Variants in TICAM2 observed in about 807,000 individuals in gnomAD.
TICAM2 encodes TIR domain-containing adapter molecule 2.
Under a neutral mutation model 7.3 loss-of-function variants are expected in TICAM2, and 8 were observed. The ratio of observed to expected loss-of-function variants is 1.10; its 90% CI spans 0.65 to 1.99. TICAM2 has a LOEUF of 1.99. Among genes scored for constraint, TICAM2 ranks in the 30% most tolerant of loss-of-function variants. The pLI, the probability that TICAM2 is intolerant of heterozygous loss-of-function variation, is 0.00. For missense variants in TICAM2, 304 were observed against 278.8 expected (o/e 1.09, Z -0.65); for synonymous variants, 113 against 99.6 (o/e 1.13, Z -0.80).
chr5:115,599,617 A>C (rs536555165), intron 1 of TICAM2, among the ~76,000 whole-genome samples: 1 of 152,304 alleles, frequency 6.6e-6, no homozygotes, highest in South Asian at 2.1e-4. Flanking sequence ...CCAGCAGCAA[A>C]AGAGATCTTG....
intron 1 of TICAM2, among the ~76,000 whole-genome samples, chr5:115,597,529 G>A (rs190777366): frequency 6.6e-4 from 100 of 152,200 alleles, no homozygotes; most frequent in African/African-American, 2.2e-3. Context: ...CAATTTTAAT[G>A]ACATGAGAAA....
intron 1 of TICAM2, among the ~76,000 whole-genome samples, chr5:115,588,277 G>A (rs537077400): frequency 6.6e-6 from 1 of 152,348 alleles, no homozygotes; most frequent in East Asian, 1.9e-4. Context: ...CACTGGGTAA[G>A]CTCTGTCTCT....
At chr5:115,589,980 TAG>T (rs369584524) in intron 1 of TICAM2, among the ~76,000 whole-genome samples, 1 of 152,206 alleles carries the variant, frequency 6.6e-6, no homozygotes, top group African/African-American at 2.4e-5. Flanking sequence ...TCAACCAGAA[TAG>T]AGAGTAACCA....
chr5:115,581,324 A>G lies in TICAM2; in HGVS notation c.-59-9T>C. ...CAGCATTTCTTTTCAATCTAAAAGA[A>G]GTAACAAAACAGAAGAATATTATAA... On this transcript the variant is annotated splice_polypyrimidine_tract_variant and intron_variant, in intron 1 of 1. Transcript: ENST00000427199. 6.3e-7 allele frequency: 1 copy of G among 1,591,264 alleles called. No individual in the cohort carries two copies. Among genetic ancestry groups the G allele is most frequent in the Non-Finnish European group, 8.5e-7 (1 of 1,175,658 alleles).
chr5:115,584,340 T>C (rs1317154170), intron 1 of TICAM2, among the ~76,000 whole-genome samples: 1 of 152,172 alleles, frequency 6.6e-6, no homozygotes, highest in African/African-American at 2.4e-5. Context: ...TCTTCAGAGC[T>C]TTCCGTAACA....
chr5:115,600,751 G>C (rs1755696154), intron 1 of TICAM2, among the ~76,000 whole-genome samples: 1 of 152,102 alleles, frequency 6.6e-6, no homozygotes, highest in Admixed American at 6.5e-5. Flanking sequence ...CAGATGAGAG[G>C]GGGTAGGAAG....
At chr5:115,594,499 G>C (rs1407773597) in intron 1 of TICAM2, among the ~76,000 whole-genome samples, 3 of 152,198 alleles carry the variant, frequency 2.0e-5, no homozygotes, top group Non-Finnish European at 4.4e-5. Context: ...CAGCTTAGGA[G>C]ACTAAGTTCT....
At position 115,590,436 on chromosome 5, in the gene TICAM2, T is replaced by C. The variant is rs17138018; in HGVS notation, c.-59-9121A>G. ...TATGAAGAAATGAAATATGAAACCT[T>C]TCCACAGTGCTTCCCATACCTGGAT... On this transcript the variant is annotated intron_variant, in intron 1 of 1. Transcript: ENST00000427199. Among the ~76,000 whole-genome samples, 96 of 152,338 alleles carry C rather than the reference T, an allele frequency of 6.3e-4. 1 individual carries two copies. The East Asian group carries it at 0.016, about 26-fold the overall frequency.
At chr5:115,586,520 AC>A (rs752617041) in intron 1 of TICAM2, among the ~76,000 whole-genome samples, 22 of 152,250 alleles carry the variant, frequency 1.4e-4, no homozygotes, top group Non-Finnish European at 2.5e-4. Context: ...AGAGAGTGGT[AC>A]CCCAGCTGCT....
chr5:115,585,662 T>C (rs935154651), intron 1 of TICAM2, among the ~76,000 whole-genome samples: 19 of 152,008 alleles, frequency 1.2e-4, no homozygotes, highest in African/African-American at 4.6e-4. Flanking sequence ...CCAAACACTA[T>C]AAGGAAAATA....
At position 115,580,284 on chromosome 5, in the gene TICAM2, A is replaced by G; in HGVS notation, c.*265T>C. The G allele has an allele frequency of 5.5e-6, 2 of 361,874 alleles. No individual in the cohort carries two copies. Among genetic ancestry groups the G allele is most frequent in the South Asian group, 7.6e-5 (1 of 13,226 alleles). The allele number at this position is 361,874 out of a possible 1,614,324, so 22.4% of individuals were successfully genotyped here. On this transcript the variant is annotated 3_prime_UTR_variant, in exon 2 of 2. Coordinates refer to ENST00000427199, the MANE Select transcript of TICAM2 (RefSeq NM_021649.7). ...GGTTCAATACAAGGAATATGGATTG[A>G]GAATTCCTTTTTCATATCCATGAAC...
At chr5:115,587,226 A>G (rs764009367) in intron 1 of TICAM2, among the ~76,000 whole-genome samples, 4 of 152,206 alleles carry the variant, frequency 2.6e-5, no homozygotes, top group Non-Finnish European at 1.5e-5. Context: ...GCAGACAGAT[A>G]GCCCCTGGTA....
chr5:115,601,022 C>T (rs1252879465), intron 1 of TICAM2, among the ~76,000 whole-genome samples: 2 of 152,132 alleles, frequency 1.3e-5, no homozygotes, highest in East Asian at 1.9e-4. Flanking sequence ...TACGGTAAGG[C>T]GTACATGTCA....
At position 115,584,779 on chromosome 5, in the gene TICAM2, TTAAAC is replaced by T. The variant is rs1308607824; in HGVS notation, c.-59-3469_-59-3465del. On this transcript the variant is annotated intron_variant, in intron 1 of 1. Transcript: ENST00000427199. ...AACATAATCAATCCAAATGGTACCC[TTAAAC>T]TAAAGTTCTGAAGGGAAGATCAATA... Among the ~76,000 whole-genome samples the T allele has an allele frequency of 3.9e-5, 6 of 152,230 alleles. No individual in the cohort carries two copies. The East Asian group carries it at 9.7e-4, about 25-fold the overall frequency.
At position 115,579,704 on chromosome 5, in the gene TICAM2, TGAGAA is replaced by T. The variant is rs1266490776; in HGVS notation, c.*840_*844del. On this transcript the variant is annotated 3_prime_UTR_variant, in exon 2 of 2. Transcript: ENST00000427199. The stretch of plus-strand genomic sequence containing the variant: ...GAAGACCTAAATGAGAAATACTTCC[TGAGAA>T]GAGAATTGTGTGTGACGGAAACTTT... The T allele has an allele frequency of 1.3e-5, 2 of 152,198 alleles. No individual in the cohort carries two copies. Among genetic ancestry groups the T allele is most frequent in the East Asian group, 3.8e-4 (2 of 5,200 alleles). The allele number at this position is 152,198 out of a possible 1,614,324, so 9.4% of individuals were successfully genotyped here. A position where few individuals can be genotyped will look rare whatever the true frequency, so the allele number is the denominator to read the frequency against.
In TICAM2 at chr5:115,581,138, A is replaced by G. The variant is rs1754907760; in HGVS notation, c.119T>C (p.Leu40Pro). 2 of 1,614,018 alleles carry G rather than the reference A, an allele frequency of 1.2e-6. No individual in the cohort carries two copies. The highest frequency in any genetic ancestry group is 1.7e-6 in the Non-Finnish European group (2 of 1,180,040). Residue 40 changes from leucine (L) to proline (P), a missense_variant, in exon 2 of 2, where the codon CTA (leucine) becomes CCA (proline). Physicochemically the swap from Leu to Pro is moderately conservative, Grantham distance 98 (BLOSUM62 -3). Coordinates refer to ENST00000427199, the MANE Select transcript of TICAM2 (RefSeq NM_021649.7). Reference protein sequence around the residue: ...HESDSKKSEDLSLCNVAEHSN... With the variant: ...HESDSKKSEDPSLCNVAEHSN... ...GTGCTCAGCAACATTACACAAGGATAGATCTTCAGACTTCTTGGAATCTGA... is the reference window on the plus strand; with the variant it reads ...GTGCTCAGCAACATTACACAAGGATGGATCTTCAGACTTCTTGGAATCTGA...
chr5:115,579,665 A>C lies in TICAM2; in HGVS notation c.*884T>G, dbSNP rs1332817763. 5 of 152,340 alleles carry C rather than the reference A, an allele frequency of 3.3e-5. No homozygotes were observed. Among genetic ancestry groups the C allele is most frequent in the East Asian group, 3.9e-4 (2 of 5,190 alleles). The allele number at this position is 152,340 out of a possible 1,614,324, so 9.4% of individuals were successfully genotyped here. ...ACCTATCACACACACACATGCACAC[A>C]GTCAGGCTACTTTGAAGACCTAAAT... On this transcript the variant is annotated 3_prime_UTR_variant, in exon 2 of 2. Transcript: ENST00000427199.
Position 115,581,097 on chromosome 5 carries a change from C to G in TICAM2, c.160G>C (p.Gly54Arg). Residue 54 changes from glycine (G) to arginine (R), a missense_variant, in exon 2 of 2, where the codon GGG (glycine) becomes CGG (arginine). Transcript: ENST00000427199. ...NVAEHSNTTE[G>R]PTGKQEGAQS... ...GCTCCCTCCTGCTTTCCTGTTGGCC[C>G]CTCTGTTGTATTGCTGTGCTCAGCA... The G allele has an allele frequency of 6.2e-7, 1 of 1,614,138 alleles. No homozygotes were observed.
At chr5:115,587,073 C>T (rs1403511731) in intron 1 of TICAM2, among the ~76,000 whole-genome samples, 1 of 152,014 alleles carries the variant, frequency 6.6e-6, no homozygotes, top group Non-Finnish European at 1.5e-5. Context: ...TTGCACCGGA[C>T]ATTTATGGCT....
Sources: gnomAD v4.1 joint callset for allele counts (sites outside exome capture counted in the v4.1 genomes callset) on GRCh38, gnomAD v4.1.1 for gene constraint, MANE v1.5 for transcripts, NCBI Gene and HGNC (gene_info 2026-07-23, HGNC 2026-07-21) for gene names.